The following MEGF6 variants were observed in gnomAD, a reference collection of about 807,000 sequenced individuals.
MEGF6 encodes multiple epidermal growth factor-like domains protein 6.
A neutral mutation model predicts 207.1 loss-of-function variants in MEGF6; 184 were observed. The observed-to-expected ratio is 0.89, with a 90% confidence interval of 0.79 to 1.00. The LOEUF is 1.00. Among genes scored for constraint, MEGF6 ranks in the 50% least tolerant of loss-of-function variants. MEGF6 has a pLI of 0.00. For missense variants in MEGF6, 2,282 were observed against 2,202.9 expected, an observed-to-expected ratio of 1.04 and a Z score of -0.72; for synonymous variants, 1,038 against 910.0, an observed-to-expected ratio of 1.14 and a Z score of -2.53.
chr1:3,508,550 T>C lies in MEGF6; in HGVS notation c.1660+8A>G. ...TCCCAGCCCCCAGCCCCTGCCCAGCTGCCTCACTCTCATTGCAGATGAGCC... is the reference window on the plus strand; with the variant it reads ...TCCCAGCCCCCAGCCCCTGCCCAGCCGCCTCACTCTCATTGCAGATGAGCC... On this transcript the variant is annotated splice_region_variant and intron_variant, in intron 13 of 36. Coordinates refer to ENST00000356575, the MANE Select transcript of MEGF6 (RefSeq NM_001409.4). 6.2e-7 allele frequency: 1 copy of C among 1,611,038 alleles called. No homozygotes were observed.
intron 17 of MEGF6, among the ~76,000 whole-genome samples, chr1:3,502,641 T>A (rs1640951717): frequency 6.6e-6 from 1 of 151,968 alleles, no homozygotes; most frequent in South Asian, 2.1e-4. Context: ...AGTCACAGCA[T>A]CCCAGGAAGG....
chr1:3,493,029 C>A (rs1374106733), intron 34 of MEGF6: 5 of 512,584 alleles, frequency 9.8e-6, no homozygotes, highest in Non-Finnish European at 1.7e-5. Context: ...AGAGTCACCA[C>A]CGAGTTCCTG....
At chr1:3,562,224 A>G (rs571715812) in intron 4 of MEGF6, among the ~76,000 whole-genome samples, 100 of 149,934 alleles carry the variant, frequency 6.7e-4, no homozygotes, top group African/African-American at 2.4e-3. Flanking sequence ...CTTTTCCTCC[A>G]TCTCTATCTT....
intron 4 of MEGF6, among the ~76,000 whole-genome samples, chr1:3,544,624 G>A (rs1468474679): frequency 2.9e-5 from 4 of 137,102 alleles, no homozygotes; most frequent in East Asian, 2.1e-4. Context: ...CTGGAGCATC[G>A]GGAACCTGCC....
At chr1:3,500,396 G>A (rs970562733) in intron 21 of MEGF6, among the ~76,000 whole-genome samples, 2 of 152,264 alleles carry the variant, frequency 1.3e-5, no homozygotes, top group Admixed American at 6.5e-5. Context: ...AGCAGTGGGG[G>A]CTGGGAAAGC....
intron 4 of MEGF6, among the ~76,000 whole-genome samples, chr1:3,553,096 A>G (rs904314306): frequency 1.3e-5 from 2 of 152,168 alleles, no homozygotes; most frequent in East Asian, 1.9e-4. Context: ...CTGAGGGTAC[A>G]GGGAGGCCCC....
In MEGF6 at chr1:3,489,551, G is replaced by C. The variant is rs1432491067; in HGVS notation, c.*977C>G. ...GGGAGGGCTGGTCTGTCCTCACCCA[G>C]GGAGTCCCTGCCCCTGCGATGCTGC... On this transcript the variant is annotated 3_prime_UTR_variant, in exon 37 of 37. Transcript: ENST00000356575. Among the ~76,000 whole-genome samples the C allele has an allele frequency of 2.0e-5, 3 of 152,272 alleles. No homozygotes were observed. The East Asian group carries it at 5.8e-4, about 29-fold the overall frequency.
chr1:3,603,764 AGCC>A (rs528487984), intron 1 of MEGF6, among the ~76,000 whole-genome samples: 2,969 of 152,096 alleles, frequency 0.02, 92 homozygotes, highest in African/African-American at 0.068. Flanking sequence ...GCTCCTAACC[AGCC>A]GCCGCCCCGT....
intron 5 of MEGF6, 114 bp downstream of exon 5, chr1:3,524,010 G>T: frequency 1.6e-6 from 2 of 1,216,130 alleles, no homozygotes; most frequent in Non-Finnish European, 2.3e-6. Context: ...CTGCCAGAGC[G>T]GCCTCTGCCT....
intron 4 of MEGF6, among the ~76,000 whole-genome samples, chr1:3,574,747 A>G (rs961429229): frequency 2.0e-5 from 3 of 152,158 alleles, no homozygotes; most frequent in Non-Finnish European, 4.4e-5. Flanking sequence ...GGTTCAATCA[A>G]TCCTCCTGCC....
intron 3 of MEGF6, among the ~76,000 whole-genome samples, chr1:3,585,820 G>T (rs111203517): frequency 0.19 from 27,054 of 145,492 alleles, 2,554 homozygotes; most frequent in East Asian, 0.28. Flanking sequence ...TTGTGGGTGT[G>T]ACACATGTCC....
At chr1:3,617,826 C>T in the MEGF6 span, among the ~76,000 whole-genome samples, 1 of 152,220 alleles carries the variant, frequency 6.6e-6, no homozygotes, top group Admixed American at 6.5e-5. Flanking sequence ...AGCGTGGAGA[C>T]CGAGGCGATG....
intron 4 of MEGF6, among the ~76,000 whole-genome samples, chr1:3,575,893 G>A (rs1374090521): frequency 1.3e-5 from 2 of 152,204 alleles, no homozygotes; most frequent in African/African-American, 2.4e-5. Flanking sequence ...CACAATGGTT[G>A]TCCCTGCCAT....
Position 3,525,018 on chromosome 1 carries a change from G to A in MEGF6, c.482-772C>T, listed in dbSNP as rs530042666. Among the ~76,000 whole-genome samples the A allele has an allele frequency of 3.9e-5, 6 of 152,318 alleles. No homozygotes were observed. The South Asian group carries it at 1.2e-3, about 32-fold the overall frequency. On this transcript the variant is annotated intron_variant, in intron 4 of 36. Coordinates refer to ENST00000356575, the MANE Select transcript of MEGF6 (RefSeq NM_001409.4). Reference sequence around the variant, plus strand: ...CTTGGGTTCAGAATCCTGGCCTCCAGATGGCGACAGAAGAAACTTCTATAG... The same window carrying A: ...CTTGGGTTCAGAATCCTGGCCTCCAAATGGCGACAGAAGAAACTTCTATAG...
In MEGF6 at chr1:3,501,898, C is replaced by G. The variant is rs79376840; in HGVS notation, c.2212G>C (p.Val738Leu). The change falls in exon 18 of 37, where the codon GTG becomes CTG. Residue 738 changes from valine (V) to leucine (L), a missense_variant. Physicochemically the swap from Val to Leu is conservative, Grantham distance 32. Coordinates refer to ENST00000356575, the MANE Select transcript of MEGF6 (RefSeq NM_001409.4). ...CAGGAGCAGGAGCTCGAGCAGTTCA[C>G]GCCAAACGTCCCCACCGGGCACTCT... ...GQECPVGTFG[V>L]NCSSSCSCGG... 6.2e-7 allele frequency: 1 copy of G among 1,604,650 alleles called. No individual in the cohort carries two copies. Among genetic ancestry groups the G allele is most frequent in the Admixed American group, 1.7e-5 (1 of 58,754 alleles).
intron 4 of MEGF6, among the ~76,000 whole-genome samples, chr1:3,546,009 C>G (rs1370172665): frequency 6.6e-6 from 1 of 152,128 alleles, no homozygotes; most frequent in Non-Finnish European, 1.5e-5. Context: ...AAGGGAAGTT[C>G]TGGGAGATGA....
chr1:3,589,139 T>C (rs566773067), intron 3 of MEGF6, among the ~76,000 whole-genome samples: 1 of 152,192 alleles, frequency 6.6e-6, no homozygotes, highest in Admixed American at 6.5e-5. Flanking sequence ...GATGACCATG[T>C]AGAGACGGAG....
At chr1:3,607,030 A>C (rs921723155) in intron 1 of MEGF6, among the ~76,000 whole-genome samples, 5 of 152,056 alleles carry the variant, frequency 3.3e-5, no homozygotes, top group African/African-American at 1.2e-4. Context: ...GCATCTGGAA[A>C]GCAGGCGTGA....
In MEGF6 at chr1:3,494,367, TCA is replaced by T; in HGVS notation, c.4129+2_4129+3del. On this transcript the variant is annotated splice_donor_variant and splice_donor_region_variant and intron_variant, in intron 32 of 36. Transcript: ENST00000356575. LOFTEE classifies it high-confidence loss of function. ...CAGCCCAGCTGCACAGGCCCCCAAC[TCA>T]CGGTGCTCGCAGGCCTGGCCATAGA... 6.5e-7 allele frequency: 1 copy of T among 1,540,104 alleles called. No individual in the cohort carries two copies. Among genetic ancestry groups the T allele is most frequent in the Non-Finnish European group, 8.7e-7 (1 of 1,147,356 alleles).
Sources: gnomAD v4.1 joint callset for allele counts (sites outside exome capture counted in the v4.1 genomes callset) on GRCh38, gnomAD v4.1.1 for gene constraint, MANE v1.5 for transcripts, NCBI Gene and HGNC (gene_info 2026-07-23, HGNC 2026-07-21) for gene names.